CFAP157: variants seen among roughly 807,000 people sequenced by gnomAD.
CFAP157 encodes cilia and flagella associated protein 157.
A neutral mutation model predicts 57.8 loss-of-function variants in CFAP157; 43 were observed. The observed-to-expected ratio is 0.74, with a 90% CI of 0.58 to 0.96. CFAP157 has a LOEUF of 0.96. Ranked by LOEUF, CFAP157 falls within the 40% of genes least tolerant of loss-of-function variation. The pLI is 0.00. For synonymous variants in CFAP157, 267 were observed against 269.0 expected, an observed-to-expected ratio of 0.99 and a Z score of 0.07; for missense variants, 606 against 655.3, an observed-to-expected ratio of 0.92 and a Z score of 0.82.
intron 2 of CFAP157, among the ~76,000 whole-genome samples, chr9:127,710,306 AGTT>A (rs1033359774): frequency 1.3e-4 from 19 of 151,348 alleles, no homozygotes; most frequent in African/African-American, 4.4e-4. Context: ...AAAACAAAAC[AGTT>A]GTTGTCATTA....
At position 127,709,448 on chromosome 9, in the gene CFAP157, C is replaced by T; in HGVS notation, c.188C>T (p.Ala63Val). ...TACCAGCGGAAGTGGGATGAGCTGG[C>T]TGTGCAGGAGAAGATGTTCCGCCAG... The part of the protein sequence containing the change: ...ARYQRKWDEL[A>V]VQEKMFRQEF... Residue 63 changes from alanine to valine, a missense_variant, in exon 2 of 9, where the codon GCT (alanine) becomes GTT (valine). Ala to Val is a moderately conservative substitution (Grantham distance 64, BLOSUM62 0). Transcript: ENST00000373295. The surrounding 1 kb of genome is among the most constrained non-coding windows in gnomAD (Gnocchi z 4.7). 6.2e-7 allele frequency: 1 copy of T among 1,613,748 alleles called. No individual in the cohort carries two copies. The highest frequency in any genetic ancestry group is 8.5e-7 in the Non-Finnish European group (1 of 1,179,986).
chr9:127,713,115 G>C lies in CFAP157; in HGVS notation c.1400G>C (p.Arg467Pro). 6.2e-7 allele frequency: 1 copy of C among 1,612,948 alleles called. No homozygotes were observed. Among genetic ancestry groups the C allele is most frequent in the Non-Finnish European group, 8.5e-7 (1 of 1,179,456 alleles). ...YQPGDLGLVPRQVHIPPNPQD... is the reference protein window; with the variant it reads ...YQPGDLGLVPPQVHIPPNPQD... ...CCGGGGGATCTAGGCCTGGTACCTC[G>C]CCAGGTCCACATCCCACCCAACCCC... The change falls in exon 8 of 9, where the codon CGC (arginine) becomes CCC (proline). Residue 467 changes from arginine to proline, a missense_variant. Physicochemically the swap from Arg to Pro is moderately radical, Grantham distance 103. Transcript: ENST00000373295.
chr9:127,712,180 C>A lies in CFAP157; in HGVS notation c.987-19C>A. 1 of 1,613,434 alleles carries A rather than the reference C, an allele frequency of 6.2e-7. No homozygotes were observed. Among genetic ancestry groups the A allele is most frequent in the South Asian group, 1.1e-5 (1 of 90,972 alleles). On this transcript the variant is annotated intron_variant, in intron 5 of 8. Transcript: ENST00000373295. ...TGGGGAAGGGGGAAGGCTGTTGACT[C>A]ATCCCAGTTGGGGTCCAGGAGCCAG...
intron 2 of CFAP157, among the ~76,000 whole-genome samples, chr9:127,710,141 G>A (rs1324266598): frequency 6.6e-6 from 1 of 152,022 alleles, no homozygotes; most frequent in Non-Finnish European, 1.5e-5. Flanking sequence ...CAGGTGTGGT[G>A]GTGCACATAT....
At chr9:127,710,518 C>T (rs1373002677) in intron 2 of CFAP157, 83 bp from the exon 3 acceptor site, 1 of 1,500,154 alleles carries the variant, frequency 6.7e-7, no homozygotes, top group African/African-American at 1.4e-5. Context: ...GGGACAGGGA[C>T]CTAAGGGGCA....
chr9:127,711,648 TG>T, intron 4 of CFAP157, 152 bp downstream of exon 4: 1 of 1,193,076 alleles, frequency 8.4e-7, no homozygotes, highest in Non-Finnish European at 1.2e-6. Context: ...TGCAGGGTGC[TG>T]GGCCTAGCTC....
Position 127,712,714 on chromosome 9 carries a change from C to T in CFAP157, c.1143C>T (p.His381=). The change falls in exon 7 of 9, where the codon CAC becomes CAT. Residue 381 remains histidine, a synonymous_variant. Coordinates refer to ENST00000373295, the MANE Select transcript of CFAP157 (RefSeq NM_001012502.3). Reference sequence around the variant, plus strand: ...CACCCCACCCTCACCAACAGATGCACCGCGATGAAGAGGACAGTGACGTTG... The same window carrying T: ...CACCCCACCCTCACCAACAGATGCATCGCGATGAAGAGGACAGTGACGTTG... The part of the protein sequence containing the change: ...TSFLQNILQM[H]RDEEDSDVDV... 4 of 1,614,174 alleles carry T rather than the reference C, an allele frequency of 2.5e-6. No individual in the cohort carries two copies. The highest frequency in any genetic ancestry group is 1.1e-5 in the South Asian group (1 of 91,088).
At position 127,712,235 on chromosome 9, in the gene CFAP157, G is replaced by C. The variant is rs1842782746; in HGVS notation, c.1023G>C (p.Gln341His). ...ACCAGCTGAGCCTGCAGCTGGAGCA[G>C]CAGCAGGTGGATTTGCAGCGGCTAC... ...QRDQLSLQLE[Q>H]QQVDLQRLQQ... is the part of the protein sequence containing the mutation. Residue 341 changes from glutamine to histidine, a missense_variant, in exon 6 of 9, where the codon CAG (glutamine) becomes CAC (histidine). Physicochemically the swap from Gln to His is conservative, Grantham distance 24. Coordinates refer to ENST00000373295, the MANE Select transcript of CFAP157 (RefSeq NM_001012502.3). The C allele has an allele frequency of 6.2e-7, 1 of 1,614,054 alleles. No homozygotes were observed. The highest frequency in any genetic ancestry group is 1.3e-5 in the African/African-American group (1 of 75,062).
intron 2 of CFAP157, 139 bp from the exon 3 acceptor site, chr9:127,710,462 G>A (rs534203062): frequency 1.7e-4 from 173 of 1,012,652 alleles, no homozygotes; most frequent in Admixed American, 5.5e-4. Flanking sequence ...GGGTAGGTGG[G>A]GGATGGTAGA....
At chr9:127,710,890 C>T (rs1842751007) in intron 3 of CFAP157, 136 bp downstream of exon 3, 1 of 985,262 alleles carries the variant, frequency 1.0e-6, no homozygotes, top group Non-Finnish European at 1.5e-6. Context: ...ACCTGCTACT[C>T]CTTGGAATCC....
At position 127,715,832 on chromosome 9, in the gene CFAP157, T is replaced by C; in HGVS notation, c.*1927T>C. ...CCCAGGCGCCTTCAGTAGCGCGGCGTCACAGTGTCCCTTCGGGACTTGTGT... is the reference window on the plus strand; with the variant it reads ...CCCAGGCGCCTTCAGTAGCGCGGCGCCACAGTGTCCCTTCGGGACTTGTGT... On this transcript the variant is annotated 3_prime_UTR_variant, in exon 9 of 9. Transcript: ENST00000373295. This position sits in a 1 kb window ranked among gnomAD's most constrained non-coding sequence, Gnocchi z 5.8. 8.9e-7 allele frequency: 1 copy of C among 1,120,178 alleles called. No homozygotes were observed. The highest frequency in any genetic ancestry group is 1.4e-5 in the South Asian group (1 of 69,894). 69.4% of individuals were successfully genotyped at this position (1,120,178 alleles called of 1,614,324 possible).
In CFAP157 at chr9:127,714,947, C is replaced by A; in HGVS notation, c.*1042C>A. ...CCCAACCCCCACCCCCTTGGCCCGC[C>A]CGCCCACCCCTGGCGCTCTCAACTC... On this transcript the variant is annotated 3_prime_UTR_variant, in exon 9 of 9. Transcript: ENST00000373295. 2.5e-6 allele frequency: 1 copy of A among 392,430 alleles called. No individual in the cohort carries two copies. The highest frequency in any genetic ancestry group is 4.8e-6 in the Non-Finnish European group (1 of 208,942). 24.3% of individuals were successfully genotyped at this position (392,430 alleles called of 1,614,324 possible).
chr9:127,713,037 T>C lies in CFAP157; in HGVS notation c.1322T>C (p.Leu441Pro). The change falls in exon 8 of 9, where the codon CTG becomes CCG. Residue 441 changes from leucine (L) to proline (P), a missense_variant. Physicochemically the swap from Leu to Pro is moderately conservative, Grantham distance 98. Coordinates refer to ENST00000373295, the MANE Select transcript of CFAP157 (RefSeq NM_001012502.3). ...CCCCACAGCCGGCCCAGCATCCAGC[T>C]GCCCAGGACTGGGTCTCTGCTGCCG... is the stretch of plus-strand genomic sequence containing the variant. ...PPKESRPSIQ[L>P]PRTGSLLPQL... The C allele has an allele frequency of 6.2e-7, 1 of 1,613,568 alleles. No individual in the cohort carries two copies. Among genetic ancestry groups the C allele is most frequent in the South Asian group, 1.1e-5 (1 of 90,970 alleles).
Position 127,715,077 on chromosome 9 carries a change from A to T in CFAP157, c.*1172A>T, listed in dbSNP as rs766741986. 10 of 1,531,418 alleles carry T rather than the reference A, an allele frequency of 6.5e-6. No individual in the cohort carries two copies. In the South Asian group the frequency reaches 1.1e-4, roughly 16 times the overall value. The allele number at this position is 1,531,418 out of a possible 1,614,324, so 94.9% of individuals were successfully genotyped here. A position where few individuals can be genotyped will look rare whatever the true frequency, so the allele number is the denominator to read the frequency against. On this transcript the variant is annotated 3_prime_UTR_variant, in exon 9 of 9. Coordinates refer to ENST00000373295, the MANE Select transcript of CFAP157 (RefSeq NM_001012502.3). The surrounding 1 kb of genome is among the most constrained non-coding windows in gnomAD (Gnocchi z 5.8). ...GGGGCCAGGGCGAGGTCGGCGGCACAGTGCCGGTCGCGCGTCCAACTCTCC... is the reference window on the plus strand; with the variant it reads ...GGGGCCAGGGCGAGGTCGGCGGCACTGTGCCGGTCGCGCGTCCAACTCTCC...
intron 3 of CFAP157, 60 bp from the exon 4 acceptor site, chr9:127,711,169 G>A: frequency 4.4e-6 from 7 of 1,573,860 alleles, no homozygotes; most frequent in Non-Finnish European, 6.0e-6. Context: ...TCACAAAGGG[G>A]TGTGCCCAGG....
At position 127,713,963 on chromosome 9, in the gene CFAP157, C is replaced by T. The variant is rs1842832278; in HGVS notation, c.*58C>T. The T allele has an allele frequency of 2.5e-6, 4 of 1,585,104 alleles. No homozygotes were observed. In the South Asian group the frequency reaches 3.3e-5, roughly 13 times the overall value. ...ACTGGTCCAGTCACAGTCACCCCCA[C>T]TTTAATCCGCAGGCAGCCTGGAACA... On this transcript the variant is annotated 3_prime_UTR_variant, in exon 9 of 9. Transcript: ENST00000373295.
Position 127,714,051 on chromosome 9 carries a change from G to C in CFAP157, c.*146G>C. On this transcript the variant is annotated 3_prime_UTR_variant, in exon 9 of 9. Coordinates refer to ENST00000373295, the MANE Select transcript of CFAP157 (RefSeq NM_001012502.3). Reference sequence around the variant, plus strand: ...CTGGCGTGGCAGCTCTGTGGCAGTGGCTGGGTTGGTGGGCACTACAGTCAG... The same window carrying C: ...CTGGCGTGGCAGCTCTGTGGCAGTGCCTGGGTTGGTGGGCACTACAGTCAG... The C allele has an allele frequency of 6.3e-7, 1 of 1,597,010 alleles. No homozygotes were observed. The highest frequency in any genetic ancestry group is 8.6e-7 in the Non-Finnish European group (1 of 1,168,326).
At position 127,709,536 on chromosome 9, in the gene CFAP157, C is replaced by T. The variant is rs765282115; in HGVS notation, c.276C>T (p.Asn92=). The T allele has an allele frequency of 1.2e-6, 2 of 1,614,140 alleles. No homozygotes were observed. The highest frequency in any genetic ancestry group is 1.7e-6 in the Non-Finnish European group (2 of 1,180,050). Residue 92 remains asparagine (N), a synonymous_variant, in exon 2 of 9, where the codon AAC becomes AAT. Coordinates refer to ENST00000373295, the MANE Select transcript of CFAP157 (RefSeq NM_001012502.3). The surrounding 1 kb of genome is among the most constrained non-coding windows in gnomAD (Gnocchi z 4.7). ...TGGCCTTCCTCAAGCGCACGCTCAACCAGCAGGTGGATGAGATCACAGACC... is the reference window on the plus strand; with the variant it reads ...TGGCCTTCCTCAAGCGCACGCTCAATCAGCAGGTGGATGAGATCACAGACC... ...EIVAFLKRTL[N]QQVDEITDLN... is the part of the protein sequence containing the mutation.
At chr9:127,707,482 G>T (rs1842673456) in intron 1 of CFAP157, among the ~76,000 whole-genome samples, 2 of 151,986 alleles carry the variant, frequency 1.3e-5, no homozygotes, top group Admixed American at 1.3e-4. Context: ...CCTCACTCCT[G>T]CCCCATGGGA....
Sources: gnomAD v4.1 joint callset for allele counts (sites outside exome capture counted in the v4.1 genomes callset) on GRCh38, gnomAD v4.1.1 for gene constraint, Gnocchi (gnomAD v3.1) non-coding constraint, MANE v1.5 for transcripts, NCBI Gene and HGNC (gene_info 2026-07-23, HGNC 2026-07-21) for gene names.